Variants in MSI2 observed in about 807,000 individuals in gnomAD.
The protein encoded by MSI2 is RNA-binding protein Musashi homolog 2.
Under a neutral mutation model 45.6 loss-of-function variants are expected in MSI2, and 17 were observed. The observed-to-expected ratio is 0.37, with a 90% CI of 0.26 to 0.56. MSI2 has a LOEUF of 0.56. Ranked by LOEUF, MSI2 falls within the 20% of genes least tolerant of loss-of-function variation. The pLI, the probability that MSI2 is intolerant of heterozygous loss-of-function variation, is 0.77. For synonymous variants in MSI2, 156 were observed against 158.2 expected, an observed-to-expected ratio of 0.99 and a Z score of 0.11; for missense variants, 293 against 444.2, an observed-to-expected ratio of 0.66 and a Z score of 3.06.
chr17:57,485,398 C>G (rs1369688148), intron 6 of MSI2, among the ~76,000 whole-genome samples: 1 of 152,280 alleles, frequency 6.6e-6, no homozygotes, highest in South Asian at 2.1e-4. Context: ...CCATGTTGGC[C>G]TGTTGTTTAA....
At chr17:57,547,205 G>A (rs2087189854) in intron 7 of MSI2, among the ~76,000 whole-genome samples, 1 of 152,194 alleles carries the variant, frequency 6.6e-6, no homozygotes, top group African/African-American at 2.4e-5. Flanking sequence ...GCCTCCAAGA[G>A]GGACAGTGGT....
At chr17:57,584,948 G>A (rs1396919177) in intron 7 of MSI2, among the ~76,000 whole-genome samples, 4 of 152,036 alleles carry the variant, frequency 2.6e-5, no homozygotes, top group African/African-American at 7.3e-5. Flanking sequence ...CTCCTGAGTA[G>A]CTGGGATTAC....
intron 5 of MSI2, among the ~76,000 whole-genome samples, chr17:57,324,484 A>G (rs2043608573): frequency 6.6e-6 from 1 of 151,074 alleles, no homozygotes; most frequent in African/African-American, 2.4e-5. Context: ...AGGAGCCAGC[A>G]GGTAAGATGG....
intron 10 of MSI2, among the ~76,000 whole-genome samples, chr17:57,633,774 CAT>C (rs1339181607): frequency 1.2e-4 from 18 of 152,186 alleles, no homozygotes; most frequent in Non-Finnish European, 2.2e-4. Flanking sequence ...TAAGGGATAA[CAT>C]GTGCATGAAT....
chr17:57,617,823 C>T (rs575382454), intron 9 of MSI2, among the ~76,000 whole-genome samples: 59 of 152,172 alleles, frequency 3.9e-4, no homozygotes, highest in African/African-American at 1.2e-3. Flanking sequence ...GTAATCCCAG[C>T]AATTTGGGAG....
intron 6 of MSI2, among the ~76,000 whole-genome samples, chr17:57,445,795 T>A (rs1352177297): frequency 6.6e-6 from 1 of 152,174 alleles, no homozygotes; most frequent in Non-Finnish European, 1.5e-5. Context: ...AATTCCAAAG[T>A]GTGCCCCGTT....
At chr17:57,283,264 T>G (rs1198549718) in intron 5 of MSI2, among the ~76,000 whole-genome samples, 1 of 151,748 alleles carries the variant, frequency 6.6e-6, no homozygotes, top group Non-Finnish European at 1.5e-5. Flanking sequence ...CTGGAGTGAG[T>G]GCTGGGAAGT....
At chr17:57,369,171 T>G (rs2083385011) in intron 5 of MSI2, among the ~76,000 whole-genome samples, 1 of 152,210 alleles carries the variant, frequency 6.6e-6, no homozygotes, top group Non-Finnish European at 1.5e-5. Context: ...TGTACCATTT[T>G]CGGTTCTTTT....
intron 10 of MSI2, among the ~76,000 whole-genome samples, chr17:57,650,214 T>C (rs1449304498): frequency 6.6e-6 from 1 of 151,706 alleles, no homozygotes; most frequent in Non-Finnish European, 1.5e-5. Flanking sequence ...ACTTCGTTCC[T>C]CTTTCCCCCT....
intron 6 of MSI2, among the ~76,000 whole-genome samples, chr17:57,410,596 A>AG (rs1478455939): frequency 6.6e-6 from 1 of 151,948 alleles, no homozygotes; most frequent in Non-Finnish European, 1.5e-5. Context: ...ATTAAATTAA[A>AG]AAAAAAAGAA....
At chr17:57,418,372 G>A (rs1423479516) in intron 6 of MSI2, among the ~76,000 whole-genome samples, 4 of 152,256 alleles carry the variant, frequency 2.6e-5, no homozygotes, top group African/African-American at 9.6e-5. Context: ...GTAGGCACAT[G>A]TCAGAAAGGT....
At chr17:57,259,552 G>C (rs547366033) in intron 4 of MSI2, among the ~76,000 whole-genome samples, 1 of 152,300 alleles carries the variant, frequency 6.6e-6, no homozygotes, top group East Asian at 1.9e-4. Flanking sequence ...TCAGGAATGC[G>C]TGCCTTCTCC....
intron 7 of MSI2, among the ~76,000 whole-genome samples, chr17:57,550,691 C>A (rs933759647): frequency 2.0e-5 from 3 of 152,190 alleles, no homozygotes; most frequent in Middle Eastern, 3.4e-3. Flanking sequence ...GGTTTGAAGC[C>A]GGGCTGGAAA....
intron 5 of MSI2, among the ~76,000 whole-genome samples, chr17:57,328,651 AAT>A (rs1280148855): frequency 5.9e-5 from 9 of 152,108 alleles, no homozygotes; most frequent in Admixed American, 2.0e-4. Context: ...GATATAACCT[AAT>A]TTAACTAATC....
At chr17:57,602,522 T>G in intron 8 of MSI2, among the ~76,000 whole-genome samples, 1 of 152,198 alleles carries the variant, frequency 6.6e-6, no homozygotes, top group African/African-American at 2.4e-5. Flanking sequence ...CCAGCTAATT[T>G]TTTGTGTGTT....
intron 11 of MSI2, among the ~76,000 whole-genome samples, chr17:57,673,134 G>T (rs1912940176): frequency 6.6e-6 from 1 of 152,234 alleles, no homozygotes; most frequent in African/African-American, 2.4e-5. Flanking sequence ...GCCAGGCCCA[G>T]CTTGATTTGG....
intron 6 of MSI2, among the ~76,000 whole-genome samples, chr17:57,423,352 A>G (rs2084431575): frequency 6.6e-6 from 1 of 152,254 alleles, no homozygotes; most frequent in South Asian, 2.1e-4. Context: ...AGCCCGACAG[A>G]AATGTAAAGA....
At chr17:57,286,321 GT>G (rs1435276985) in intron 5 of MSI2, among the ~76,000 whole-genome samples, 1 of 151,554 alleles carries the variant, frequency 6.6e-6, no homozygotes, top group East Asian at 1.9e-4. Context: ...TTAAAAAAAT[GT>G]TTTTAAAGCT....
intron 8 of MSI2, among the ~76,000 whole-genome samples, chr17:57,613,625 C>T (rs1238999227): frequency 3.9e-5 from 6 of 152,210 alleles, no homozygotes; most frequent in Non-Finnish European, 2.9e-5. Flanking sequence ...CACCCCTCCA[C>T]ACTATACCGT....
Sources: gnomAD v4.1 joint callset for allele counts (sites outside exome capture counted in the v4.1 genomes callset) on GRCh38, gnomAD v4.1.1 for gene constraint, MANE v1.5 for transcripts, NCBI Gene and HGNC (gene_info 2026-07-23, HGNC 2026-07-21) for gene names.